UCK2: variants seen among roughly 807,000 people sequenced by gnomAD.
UCK2 encodes the protein uridine-cytidine kinase 2.
UCK2 carries 6 observed loss-of-function variants against 30.8 expected under a neutral mutation model. That is an observed-to-expected ratio of 0.19 (90% confidence interval 0.11 to 0.38). UCK2 has a LOEUF of 0.38. UCK2 is among the 10% of genes least tolerant of loss of function. UCK2 has a pLI of 1.00. For synonymous variants in UCK2, 125 were observed against 133.6 expected, an observed-to-expected ratio of 0.94 and a Z score of 0.45; for missense variants, 210 against 339.8, an observed-to-expected ratio of 0.62 and a Z score of 3.00.
intron 1 of UCK2, among the ~76,000 whole-genome samples, chr1:165,839,812 A>T (rs552304187): frequency 4.6e-5 from 7 of 152,362 alleles, no homozygotes; most frequent in African/African-American, 1.2e-4. Flanking sequence ...GATAAAATGT[A>T]TGCAGAGGTA....
Position 165,907,957 on chromosome 1 carries a change from A to ATT in UCK2, c.*143_*144dup. 15 of 1,240,004 alleles carry ATT rather than the reference A, an allele frequency of 1.2e-5. No individual in the cohort carries two copies. Among genetic ancestry groups the ATT allele is most frequent in the South Asian group, 5.6e-5 (3 of 53,454 alleles). 76.8% of individuals were successfully genotyped at this position (1,240,004 alleles called of 1,614,324 possible). Reference sequence around the variant, plus strand: ...ACACCATGGAGATGAAATGCCTTTGATTTTTTTTTTCTTTTTGTACTTTGG... The same window carrying ATT: ...ACACCATGGAGATGAAATGCCTTTGATTTTTTTTTTTTCTTTTTGTACTTTGG... On this transcript the variant is annotated 3_prime_UTR_variant, in exon 7 of 7. Coordinates refer to ENST00000367879, the MANE Select transcript of UCK2 (RefSeq NM_012474.5).
chr1:165,896,444 G>T, intron 4 of UCK2, 112 bp downstream of exon 4: 1 of 1,284,670 alleles, frequency 7.8e-7, no homozygotes, highest in East Asian at 2.3e-5. Context: ...TGCCTTCCCT[G>T]AGGCAGCTGT....
rs141708422 is a variant in UCK2, at chr1:165,836,229, A to G, written c.99+8297A>G. ...GGCGACAAGAGCAAGACTCCGTCTC[A>G]AAACAAAAAACAAAACAAAAAAAAC... On this transcript the variant is annotated intron_variant, in intron 1 of 6. Transcript: ENST00000367879. Among the ~76,000 whole-genome samples, 217 of 149,812 alleles carry G rather than the reference A, an allele frequency of 1.4e-3. 3 individuals are homozygous for G. The highest frequency in any genetic ancestry group is 5.2e-3 in the African/African-American group (205 of 39,266).
Position 165,827,736 on chromosome 1 carries a change from CA to C in UCK2, c.-97del. 1 of 1,130,226 alleles carries C rather than the reference CA, an allele frequency of 8.8e-7. No individual in the cohort carries two copies. The highest frequency in any genetic ancestry group is 1.1e-6 in the Non-Finnish European group (1 of 879,724). The allele number at this position is 1,130,226 out of a possible 1,614,324, so 70.0% of individuals were successfully genotyped here. On this transcript the variant is annotated 5_prime_UTR_variant, in exon 1 of 7. Coordinates refer to ENST00000367879, the MANE Select transcript of UCK2 (RefSeq NM_012474.5). ...CAGCGGCCTCAGCCCCGGCAGCGCC[CA>C]GCGGCGGCTGCGGAAAGCGGAGGGA...
chr1:165,880,584 T>A (rs372694157), intron 1 of UCK2, among the ~76,000 whole-genome samples: 2 of 116,504 alleles, frequency 1.7e-5, no homozygotes, highest in East Asian at 5.0e-4. Context: ...TGTGTGTGTG[T>A]GTGTGTGTGT....
At chr1:165,851,581 G>A (rs531069614) in intron 1 of UCK2, among the ~76,000 whole-genome samples, 3 of 151,960 alleles carry the variant, frequency 2.0e-5, no homozygotes, top group South Asian at 2.1e-4. Context: ...AAATGTAACC[G>A]TTTCAGGGCT....
intron 2 of UCK2, 70 bp downstream of exon 2, chr1:165,890,433 T>C: frequency 6.6e-7 from 1 of 1,522,456 alleles, no homozygotes; most frequent in Non-Finnish European, 9.0e-7. Flanking sequence ...ATTTTGCTCA[T>C]GAGGAAGTTG....
At chr1:165,838,413 A>G (rs1469176788) in intron 1 of UCK2, among the ~76,000 whole-genome samples, 3 of 152,174 alleles carry the variant, frequency 2.0e-5, no homozygotes, top group Non-Finnish European at 4.4e-5. Context: ...CTGCCAGGGC[A>G]TCTCTTGATA....
In UCK2 at chr1:165,890,231, C is replaced by T; in HGVS notation, c.127C>T (p.Leu43Phe). Residue 43 changes from leucine (L) to phenylalanine (F), a missense_variant, in exon 2 of 7, where the codon CTC becomes TTC. This residue lies in a region of UCK2 where 75 missense variants were observed against 124.7 expected (regional missense o/e 0.60). Transcript: ENST00000367879. ...KSSVCAKIVQLLGQNEVDYRQ... is the reference protein window; with the variant it reads ...KSSVCAKIVQFLGQNEVDYRQ... ...TTCCGTGTGTGCTAAGATCGTGCAG[C>T]TCCTGGGGCAGAATGAGGTGGACTA... The T allele has an allele frequency of 6.2e-7, 1 of 1,614,140 alleles. No individual in the cohort carries two copies. Among genetic ancestry groups the T allele is most frequent in the Non-Finnish European group, 8.5e-7 (1 of 1,180,042 alleles).
intron 1 of UCK2, among the ~76,000 whole-genome samples, chr1:165,840,938 T>C (rs1007104140): frequency 2.0e-5 from 3 of 152,240 alleles, no homozygotes; most frequent in Non-Finnish European, 4.4e-5. Flanking sequence ...ATGGTGAACA[T>C]AGATTATTCC....
intron 1 of UCK2, among the ~76,000 whole-genome samples, chr1:165,853,486 AC>A (rs201586897): frequency 2.7e-5 from 4 of 148,766 alleles, no homozygotes; most frequent in Admixed American, 1.3e-4. Flanking sequence ...TCTCTCACCC[AC>A]CCCCGCTCCA....
chr1:165,839,685 C>T (rs1654276575), intron 1 of UCK2, among the ~76,000 whole-genome samples: 3 of 152,174 alleles, frequency 2.0e-5, no homozygotes, highest in Admixed American at 1.3e-4. Flanking sequence ...GTTTTGGAGT[C>T]AGCCAGGCTT....
intron 1 of UCK2, among the ~76,000 whole-genome samples, chr1:165,869,514 A>G (rs911183025): frequency 6.6e-6 from 1 of 152,064 alleles, no homozygotes; most frequent in Non-Finnish European, 1.5e-5. Flanking sequence ...TGTTTTCTAC[A>G]GTGGCTATAC....
At chr1:165,832,708 C>T (rs996213912) in intron 1 of UCK2, among the ~76,000 whole-genome samples, 6 of 152,042 alleles carry the variant, frequency 3.9e-5, no homozygotes, top group Admixed American at 3.9e-4. Flanking sequence ...ATTCTCCTGC[C>T]TCAGCCTCCC....
chr1:165,835,845 T>A (rs1268135514), intron 1 of UCK2, among the ~76,000 whole-genome samples: 1 of 152,240 alleles, frequency 6.6e-6, no homozygotes, highest in East Asian at 1.9e-4. Flanking sequence ...AAGTATACAT[T>A]AAAATTTTAT....
intron 1 of UCK2, among the ~76,000 whole-genome samples, chr1:165,847,553 C>T (rs1571269412): frequency 1.3e-5 from 2 of 152,180 alleles, no homozygotes; most frequent in Admixed American, 6.5e-5. Context: ...CCCTCAGCCT[C>T]GACTATGTTA....
intron 1 of UCK2, among the ~76,000 whole-genome samples, chr1:165,829,114 C>T (rs1653975427): frequency 6.6e-6 from 1 of 152,098 alleles, no homozygotes; most frequent in African/African-American, 2.4e-5. Flanking sequence ...ACTACTTTAG[C>T]GCAAGGAGCC....
chr1:165,882,605 CT>C (rs1373707722), intron 1 of UCK2, among the ~76,000 whole-genome samples: 2 of 152,154 alleles, frequency 1.3e-5, no homozygotes, highest in Non-Finnish European at 1.5e-5. Flanking sequence ...CCGCTGTCTG[CT>C]TCCAAGGATG....
intron 1 of UCK2, among the ~76,000 whole-genome samples, chr1:165,831,802 G>A (rs779149927): frequency 2.2e-4 from 34 of 152,066 alleles, no homozygotes; most frequent in Non-Finnish European, 4.0e-4. Context: ...ATCTCACTCT[G>A]TCACTCAGGC....
Sources: allele counts gnomAD v4.1 joint callset (sites outside exome capture counted in the v4.1 genomes callset), GRCh38; gene constraint gnomAD v4.1.1; regional missense constraint gnomAD v4.1.1; transcripts MANE v1.5; gene names NCBI Gene and HGNC (gene_info 2026-07-23, HGNC 2026-07-21).